The following NRG3 variants were observed in gnomAD, a reference collection of about 807,000 sequenced individuals.
NRG3 encodes the protein pro-neuregulin-3, membrane-bound isoform.
In NRG3, 31 loss-of-function variants were observed where a neutral mutation model predicts 66.9. The observed-to-expected ratio is 0.46, with a 90% CI of 0.35 to 0.63. The LOEUF (loss-of-function observed/expected upper bound fraction) is 0.63. Ranked by LOEUF, NRG3 falls within the 20% of genes least tolerant of loss-of-function variation. NRG3 has a pLI of 0.00. For missense variants in NRG3, 910 were observed against 878.9 expected, an observed-to-expected ratio of 1.04 and a Z score of -0.45; for synonymous variants, 393 against 359.4, an observed-to-expected ratio of 1.09 and a Z score of -1.06.
chr10:82,331,174 C>T (rs1219254940), intron 1 of NRG3, among the ~76,000 whole-genome samples: 1 of 152,164 alleles, frequency 6.6e-6, no homozygotes, highest in Non-Finnish European at 1.5e-5. Context: ...CACTCTCTAC[C>T]CATGCTCTTT....
intron 1 of NRG3, among the ~76,000 whole-genome samples, chr10:81,972,695 A>G (rs922998558): frequency 1.4e-4 from 22 of 152,184 alleles, no homozygotes; most frequent in African/African-American, 5.1e-4. Flanking sequence ...GGCAACTTCA[A>G]ACATCCTATT....
At chr10:82,097,494 T>C (rs2066429070) in intron 1 of NRG3, among the ~76,000 whole-genome samples, 1 of 147,450 alleles carries the variant, frequency 6.8e-6, no homozygotes, top group Admixed American at 6.8e-5. Flanking sequence ...CTGTAATATA[T>C]ATGTTAGATA....
chr10:81,907,017 G>T (rs1844660982), intron 1 of NRG3, among the ~76,000 whole-genome samples: 1 of 152,150 alleles, frequency 6.6e-6, no homozygotes. Flanking sequence ...AGTAGGAGAG[G>T]TTTGGAGTGG....
At chr10:82,650,309 C>G (rs1257641444) in intron 2 of NRG3, among the ~76,000 whole-genome samples, 1 of 152,196 alleles carries the variant, frequency 6.6e-6, no homozygotes, top group Admixed American at 6.5e-5. Flanking sequence ...AAGGAGGATA[C>G]TGGCCCTGGG....
At position 82,064,373 on chromosome 10, in the gene NRG3, A is replaced by T. The variant is rs972186559; in HGVS notation, c.823+188210A>T. Among the ~76,000 whole-genome samples, 15 of 151,612 alleles carry T rather than the reference A, an allele frequency of 9.9e-5. No individual in the cohort carries two copies. In the South Asian group the frequency reaches 1.0e-3, roughly 10 times the overall value. ...TCTTATGAAATATCAAATATATATAAAAATAATATATTTATTATAAAACAA... is the reference window on the plus strand; with the variant it reads ...TCTTATGAAATATCAAATATATATATAAATAATATATTTATTATAAAACAA... On this transcript the variant is annotated intron_variant, in intron 1 of 8. Coordinates refer to ENST00000372141, the MANE Select transcript of NRG3 (RefSeq NM_001010848.4).
chr10:82,859,626 A>C (rs1047187306), intron 3 of NRG3, among the ~76,000 whole-genome samples: 13 of 152,192 alleles, frequency 8.5e-5, no homozygotes, highest in African/African-American at 3.1e-4. Flanking sequence ...ATGCGTTAGA[A>C]ACACCCAGGC....
At chr10:82,691,863 C>T (rs186769342) in intron 2 of NRG3, among the ~76,000 whole-genome samples, 1 of 152,298 alleles carries the variant, frequency 6.6e-6, no homozygotes, top group Non-Finnish European at 1.5e-5. Context: ...GCAGAGGTTC[C>T]AATCCAGGGC....
At chr10:82,917,970 G>GTGTATATATATATA (rs1554841532) in intron 4 of NRG3, among the ~76,000 whole-genome samples, 1 of 114,016 alleles carries the variant, frequency 8.8e-6, no homozygotes, top group African/African-American at 3.7e-5. Context: ...GTGTGTGTGT[G>GTGTATATATATATA]TATATATATA....
At chr10:81,946,421 G>C (rs1848845098) in intron 1 of NRG3, among the ~76,000 whole-genome samples, 1 of 152,090 alleles carries the variant, frequency 6.6e-6, no homozygotes, top group Admixed American at 6.6e-5. Flanking sequence ...AATATAGATG[G>C]TGGTTTTATT....
intron 2 of NRG3, among the ~76,000 whole-genome samples, chr10:82,643,903 CCCACA>C (rs770251539): frequency 1.1e-3 from 22 of 20,112 alleles, no homozygotes; most frequent in African/African-American, 3.9e-3. Context: ...CACACACACA[CCCACA>C]CACACACACA....
chr10:82,814,862 C>T (rs2061639962), intron 3 of NRG3, among the ~76,000 whole-genome samples: 1 of 152,102 alleles, frequency 6.6e-6, no homozygotes, highest in African/African-American at 2.4e-5. Context: ...TGTGAGAGGC[C>T]TCCTTTAATC....
At chr10:82,076,782 A>G (rs2065116149) in intron 1 of NRG3, among the ~76,000 whole-genome samples, 1 of 152,226 alleles carries the variant, frequency 6.6e-6, no homozygotes, top group Non-Finnish European at 1.5e-5. Context: ...GCAGACGCTG[A>G]CACTGTGCTT....
At chr10:82,327,181 C>T (rs753947539) in intron 1 of NRG3, among the ~76,000 whole-genome samples, 2 of 152,162 alleles carry the variant, frequency 1.3e-5, no homozygotes, top group African/African-American at 4.8e-5. Flanking sequence ...CTTAGACTCT[C>T]ATCTCAGAAG....
intron 1 of NRG3, among the ~76,000 whole-genome samples, chr10:82,180,796 A>G (rs1305516602): frequency 1.3e-5 from 2 of 151,822 alleles, no homozygotes; most frequent in Non-Finnish European, 2.9e-5. Flanking sequence ...CTTCTCAATT[A>G]TTTGGAAGAT....
intron 2 of NRG3, among the ~76,000 whole-genome samples, chr10:82,649,250 T>C (rs1398412946): frequency 6.6e-6 from 1 of 152,176 alleles, no homozygotes; most frequent in Non-Finnish European, 1.5e-5. Context: ...GACACCCCTC[T>C]ACCTCCTGCC....
chr10:82,923,312 C>T (rs766259448), intron 4 of NRG3, among the ~76,000 whole-genome samples: 3 of 152,216 alleles, frequency 2.0e-5, no homozygotes, highest in Non-Finnish European at 4.4e-5. Context: ...TCATCCTCCA[C>T]CTAATCTCTA....
Position 82,557,398 on chromosome 10 carries a change from CT to C in NRG3, c.954-181171del, listed in dbSNP as rs1192733151. Among the ~76,000 whole-genome samples, 9 of 151,856 alleles carry C rather than the reference CT, an allele frequency of 5.9e-5. No individual in the cohort carries two copies. In the East Asian group the frequency reaches 1.4e-3, roughly 23 times the overall value. ...ATCTGTAATGATCAGTGATATTGAG[CT>C]TTTTTTTCATATGCTTATTGGCTGC... On this transcript the variant is annotated intron_variant, in intron 2 of 8. Coordinates refer to ENST00000372141, the MANE Select transcript of NRG3 (RefSeq NM_001010848.4).
At chr10:82,187,784 A>G (rs1047604585) in intron 1 of NRG3, among the ~76,000 whole-genome samples, 6 of 152,160 alleles carry the variant, frequency 3.9e-5, no homozygotes, top group African/African-American at 1.2e-4. Flanking sequence ...ATAATTGACT[A>G]TGTTTTACTT....
At chr10:82,442,784 ATTTTTTTTTTTTTTTT>A (rs61261285) in intron 2 of NRG3, among the ~76,000 whole-genome samples, 2 of 54,254 alleles carry the variant, frequency 3.7e-5, no homozygotes, top group Non-Finnish European at 6.4e-5. Context: ...TTCTGTGTGG[ATTTTTTTTTTTTTTTT>A]TTTTTTTTTT....
Sources: gnomAD v4.1 joint callset for allele counts (sites outside exome capture counted in the v4.1 genomes callset) on GRCh38, gnomAD v4.1.1 for gene constraint, MANE v1.5 for transcripts, NCBI Gene and HGNC (gene_info 2026-07-23, HGNC 2026-07-21) for gene names.